The following CTNNA2 variants were observed in gnomAD, a reference collection of about 807,000 sequenced individuals.
CTNNA2 encodes catenin alpha 2.
Under a neutral mutation model 101.0 loss-of-function variants are expected in CTNNA2, and 42 were observed. The ratio of observed to expected loss-of-function variants is 0.42; its 90% confidence interval spans 0.32 to 0.54. The LOEUF is 0.54. Ranked by LOEUF, CTNNA2 falls within the 20% of genes least tolerant of loss-of-function variation. CTNNA2 has a pLI of 0.14. For synonymous variants in CTNNA2, 450 were observed against 456.4 expected (o/e 0.99, Z 0.18); for missense variants, 871 against 1,223.1 (o/e 0.71, Z 4.29).
chr2:79,236,573 A>T (rs943964723), intron 2 of CTNNA2, among the ~76,000 whole-genome samples: 1 of 152,238 alleles, frequency 6.6e-6, no homozygotes, highest in Non-Finnish European at 1.5e-5. Flanking sequence ...TCTCTCTAGC[A>T]TTCAATGCTG....
At chr2:79,311,408 CAAAAAAA>C (rs753633073) in intron 2 of CTNNA2, among the ~76,000 whole-genome samples, 5 of 67,060 alleles carry the variant, frequency 7.5e-5, no homozygotes, top group African/African-American at 1.6e-4. Context: ...GACTCCGTCT[CAAAAAAA>C]AAAAAAAAAA....
At chr2:80,328,453 G>T in intron 7 of CTNNA2, 3 of 459,802 alleles carry the variant, frequency 6.5e-6, no homozygotes, top group South Asian at 4.8e-5. Flanking sequence ...GGACAGTGTA[G>T]AGGGGAATAG....
At chr2:80,481,492 T>C (rs1686138117) in intron 9 of CTNNA2, among the ~76,000 whole-genome samples, 1 of 152,116 alleles carries the variant, frequency 6.6e-6, no homozygotes, top group South Asian at 2.1e-4. Flanking sequence ...GTATGAATAA[T>C]GTTTGTTTTA....
intron 1 of CTNNA2, among the ~76,000 whole-genome samples, chr2:79,519,221 T>G (rs1236394840): frequency 7.9e-6 from 1 of 125,868 alleles, no homozygotes; most frequent in African/African-American, 3.1e-5. Context: ...AGAACAAGAC[T>G]CCGTCTCAAA....
chr2:79,808,502 C>T (rs1213450688), intron 3 of CTNNA2, among the ~76,000 whole-genome samples: 1 of 152,122 alleles, frequency 6.6e-6, no homozygotes, highest in Non-Finnish European at 1.5e-5. Context: ...GAGCTATCAC[C>T]GAATTCTTGC....
intron 7 of CTNNA2, among the ~76,000 whole-genome samples, chr2:80,343,131 G>T (rs1423637405): frequency 6.6e-6 from 1 of 152,118 alleles, no homozygotes; most frequent in Non-Finnish European, 1.5e-5. Context: ...CATCTGCAAA[G>T]ACACTATTTT....
intron 2 of CTNNA2, among the ~76,000 whole-genome samples, chr2:79,731,698 C>T (rs78896855): frequency 0.072 from 10,901 of 151,990 alleles, 593 homozygotes; most frequent in African/African-American, 0.16. Context: ...GCTGGTTGTC[C>T]GTGAGGTTCA....
At chr2:80,361,645 G>T (rs1027442567) in intron 7 of CTNNA2, among the ~76,000 whole-genome samples, 1 of 152,064 alleles carries the variant, frequency 6.6e-6, no homozygotes, top group African/African-American at 2.4e-5. Flanking sequence ...AATACAGCAG[G>T]ATTAGTAGCT....
intron 2 of CTNNA2, among the ~76,000 whole-genome samples, chr2:79,198,375 A>G (rs1479778203): frequency 6.6e-6 from 1 of 152,236 alleles, no homozygotes; most frequent in Non-Finnish European, 1.5e-5. Context: ...ATAAACAACA[A>G]AACAACATGA....
At chr2:79,952,098 A>T (rs1325513651) in intron 7 of CTNNA2, among the ~76,000 whole-genome samples, 4 of 152,102 alleles carry the variant, frequency 2.6e-5, no homozygotes, top group Admixed American at 6.5e-5. Context: ...TCTAAATCAC[A>T]TTCTTAGGAT....
At chr2:80,099,341 G>A (rs1044104028) in intron 7 of CTNNA2, among the ~76,000 whole-genome samples, 1 of 152,066 alleles carries the variant, frequency 6.6e-6, no homozygotes, top group African/African-American at 2.4e-5. Context: ...TACAAAGTGG[G>A]CAGACCAAGG....
At chr2:79,242,997 C>T (rs866289042) in intron 2 of CTNNA2, among the ~76,000 whole-genome samples, 49 of 95,974 alleles carry the variant, frequency 5.1e-4, no homozygotes, top group East Asian at 4.0e-3. Flanking sequence ...TATATATACA[C>T]ACACACACAC....
intron 9 of CTNNA2, among the ~76,000 whole-genome samples, chr2:80,514,586 T>G (rs975052299): frequency 2.6e-5 from 4 of 152,124 alleles, no homozygotes; most frequent in Middle Eastern, 3.4e-3. Context: ...TATTTAGTGA[T>G]GGAAAAGGCT....
chr2:79,738,351 A>G (rs1478135395), intron 2 of CTNNA2, among the ~76,000 whole-genome samples: 1 of 152,212 alleles, frequency 6.6e-6, no homozygotes, highest in African/African-American at 2.4e-5. Context: ...GTGGGGCTAG[A>G]GCAAAGTTGA....
intron 7 of CTNNA2, among the ~76,000 whole-genome samples, chr2:80,265,506 C>T (rs318364): frequency 0.41 from 61,978 of 151,906 alleles, 14,602 homozygotes; most frequent in Non-Finnish European, 0.54. Flanking sequence ...CCCCAGTCTT[C>T]CCTCCTTCAC....
intron 2 of CTNNA2, among the ~76,000 whole-genome samples, chr2:79,665,101 A>G (rs1194795540): frequency 2.6e-5 from 4 of 152,074 alleles, no homozygotes; most frequent in Admixed American, 1.3e-4. Context: ...CAATCCAGAA[A>G]GAAGTTCTTT....
intron 7 of CTNNA2, among the ~76,000 whole-genome samples, chr2:80,318,973 T>A (rs1678406940): frequency 6.6e-6 from 1 of 152,182 alleles, no homozygotes; most frequent in East Asian, 1.9e-4. Context: ...CCATAACTGA[T>A]AATTTTAAAA....
intron 9 of CTNNA2, among the ~76,000 whole-genome samples, chr2:80,534,884 G>A (rs1690866096): frequency 3.3e-5 from 5 of 152,048 alleles, no homozygotes; most frequent in Admixed American, 3.3e-4. Flanking sequence ...TTTGTTTTTG[G>A]TAATAGCAAA....
chr2:79,972,222 C>A (rs777482063), intron 7 of CTNNA2, among the ~76,000 whole-genome samples: 1 of 152,122 alleles, frequency 6.6e-6, no homozygotes, highest in Non-Finnish European at 1.5e-5. Context: ...AGCAAAAAAT[C>A]TATTAAGTAC....
Sources: allele counts gnomAD v4.1 joint callset (sites outside exome capture counted in the v4.1 genomes callset), GRCh38; gene constraint gnomAD v4.1.1; transcripts MANE v1.5; gene names NCBI Gene and HGNC (gene_info 2026-07-23, HGNC 2026-07-21).